IQCH: variants seen among roughly 807,000 people sequenced by gnomAD.
The protein encoded by IQCH is IQ domain-containing protein H.
A neutral mutation model predicts 117.0 loss-of-function variants in IQCH; 98 were observed. The observed-to-expected ratio is 0.84, with a 90% CI of 0.71 to 0.99. The LOEUF is 0.99. Among genes scored for constraint, IQCH ranks in the 50% least tolerant of loss-of-function variants. The probability of loss-of-function intolerance (pLI) is 0.00; values close to 1 mark genes in which losing one functional copy is unlikely to be tolerated. For synonymous variants in IQCH, 412 were observed against 448.2 expected (o/e 0.92, Z 1.02); for missense variants, 1,102 against 1,243.8 (o/e 0.89, Z 1.72).
intron 16 of IQCH, among the ~76,000 whole-genome samples, chr15:67,449,575 T>C (rs1015306994): frequency 4.3e-4 from 65 of 152,186 alleles, no homozygotes; most frequent in Non-Finnish European, 4.3e-4. Context: ...TTCTGTTCCA[T>C]TGGTCTATAT....
chr15:67,341,663 A>G (rs535454715), intron 5 of IQCH, among the ~76,000 whole-genome samples: 1 of 152,284 alleles, frequency 6.6e-6, no homozygotes, highest in African/African-American at 2.4e-5. Flanking sequence ...TTTAAAAGTA[A>G]AGTTATGACT....
chr15:67,424,234 T>A lies in IQCH; in HGVS notation c.2505+2657T>A, dbSNP rs12594849. 0.42 allele frequency among the ~76,000 whole-genome samples: 63,825 copies of A among 151,998 alleles called. 14,424 individuals carry two copies. The highest frequency in any genetic ancestry group is 0.52 in the Non-Finnish European group (35,233 of 67,930). ...CCTCTACCACAGGGCCTAAACATGC[T>A]GTTCCTCCACCTTAAATGCTCTTGC... On this transcript the variant is annotated intron_variant, in intron 16 of 20. Transcript: ENST00000335894. The surrounding 1 kb of genome is among the most constrained non-coding windows in gnomAD (Gnocchi z 4.9).
chr15:67,324,386 C>T (rs887714128), intron 4 of IQCH, among the ~76,000 whole-genome samples: 4 of 151,300 alleles, frequency 2.6e-5, no homozygotes, highest in African/African-American at 7.3e-5. Flanking sequence ...CCAAGGCGGG[C>T]GATCATTGAG....
intron 1 of IQCH, among the ~76,000 whole-genome samples, chr15:67,258,136 C>T (rs1965301191): frequency 6.6e-6 from 1 of 150,868 alleles, no homozygotes; most frequent in Admixed American, 6.6e-5. Context: ...GAGGCTGAGG[C>T]AAGGAGAATT....
chr15:67,290,003 T>C (rs1213784929), intron 4 of IQCH, among the ~76,000 whole-genome samples: 1 of 152,140 alleles, frequency 6.6e-6, no homozygotes, highest in Non-Finnish European at 1.5e-5. Context: ...GATGACAGAC[T>C]GTTTTTTAAC....
chr15:67,333,297 A>G (rs1224085758), intron 4 of IQCH, among the ~76,000 whole-genome samples: 2 of 152,224 alleles, frequency 1.3e-5, no homozygotes, highest in African/African-American at 2.4e-5. Context: ...ACAAATCTGA[A>G]CAGAGCCTTC....
intron 14 of IQCH, among the ~76,000 whole-genome samples, chr15:67,414,976 C>T (rs1308142776): frequency 6.6e-6 from 1 of 152,112 alleles, no homozygotes; most frequent in Admixed American, 6.5e-5. Context: ...GAGTGGGATT[C>T]TAACGCCGTG....
At chr15:67,412,331 T>C (rs1204109186) in intron 14 of IQCH, among the ~76,000 whole-genome samples, 1 of 152,206 alleles carries the variant, frequency 6.6e-6, no homozygotes, top group Non-Finnish European at 1.5e-5. Context: ...TCGCCCATCG[T>C]CCATCACCTT....
At chr15:67,455,437 C>A (rs1207534325) in intron 16 of IQCH, among the ~76,000 whole-genome samples, 1 of 152,200 alleles carries the variant, frequency 6.6e-6, no homozygotes, top group Non-Finnish European at 1.5e-5. Context: ...AAGGCCATAG[C>A]TCAGACAGTC....
Position 67,365,360 on chromosome 15 carries a change from A to G in IQCH, c.753+5475A>G, listed in dbSNP as rs1970295622. 6.6e-6 allele frequency among the ~76,000 whole-genome samples: 1 copy of G among 152,218 alleles called. No homozygotes were observed. Among genetic ancestry groups the G allele is most frequent in the South Asian group, 2.1e-4 (1 of 4,836 alleles). On this transcript the variant is annotated intron_variant, in intron 8 of 20. Coordinates refer to ENST00000335894, the MANE Select transcript of IQCH (RefSeq NM_001031715.3). The surrounding 1 kb of genome is among the most constrained non-coding windows in gnomAD (Gnocchi z 4.4). ...TGCAAATAACTTGTATGATCATAGA[A>G]CAGCTTTGTGCTGTGAACCCAGTCC...
intron 4 of IQCH, among the ~76,000 whole-genome samples, chr15:67,289,032 T>G (rs1487056225): frequency 6.6e-6 from 1 of 152,044 alleles, no homozygotes; most frequent in African/African-American, 2.4e-5. Flanking sequence ...AGAGCATGGC[T>G]TATCTGGGGG....
At position 67,289,806 on chromosome 15, in the gene IQCH, A is replaced by T. The variant is rs769255046; in HGVS notation, c.387+10294A>T. On this transcript the variant is annotated intron_variant, in intron 4 of 20. Transcript: ENST00000335894. ...AGAACATCAAGTGAAAATGATGAGTAATGTAGTTGAAGTTTCTGTATCACA... is the reference window on the plus strand; with the variant it reads ...AGAACATCAAGTGAAAATGATGAGTTATGTAGTTGAAGTTTCTGTATCACA... Among the ~76,000 whole-genome samples, 3 of 152,136 alleles carry T rather than the reference A, an allele frequency of 2.0e-5. No homozygotes were observed. In the Admixed American group the frequency reaches 2.0e-4, roughly 10 times the overall value.
intron 17 of IQCH, among the ~76,000 whole-genome samples, chr15:67,468,948 C>T (rs1484161595): frequency 1.3e-5 from 2 of 152,174 alleles, no homozygotes; most frequent in African/African-American, 4.8e-5. Context: ...CAATATGTTC[C>T]ACACTTCAAG....
At chr15:67,361,157 C>T (rs1003215822) in intron 8 of IQCH, among the ~76,000 whole-genome samples, 4 of 152,158 alleles carry the variant, frequency 2.6e-5, no homozygotes, top group East Asian at 1.9e-4. Flanking sequence ...AGTGAAGCTC[C>T]GGAGTTTGTG....
chr15:67,382,727 C>T (rs1248783983), intron 10 of IQCH, among the ~76,000 whole-genome samples: 1 of 152,154 alleles, frequency 6.6e-6, no homozygotes, highest in Non-Finnish European at 1.5e-5. Flanking sequence ...GTTTCCTTAC[C>T]TATAATATGA....
chr15:67,255,864 T>C (rs1170669329), intron 1 of IQCH, among the ~76,000 whole-genome samples: 2 of 152,178 alleles, frequency 1.3e-5, no homozygotes, highest in African/African-American at 4.8e-5. Flanking sequence ...ACTTCCCCAT[T>C]AAGAATCATA....
chr15:67,486,165 G>A (rs2083473738), intron 18 of IQCH, among the ~76,000 whole-genome samples: 2 of 150,870 alleles, frequency 1.3e-5, no homozygotes, highest in African/African-American at 2.4e-5. Flanking sequence ...TGAGTAGCTG[G>A]GACTACAGGT....
Position 67,388,907 on chromosome 15 carries a change from A to G in IQCH, c.1533A>G (p.Leu511=). Reference sequence around the variant, plus strand: ...TAGTGCTGTATTACAAAAAAATCCTAAGTCTACATGCAGCCGTCAAATCTG... The same window carrying G: ...TAGTGCTGTATTACAAAAAAATCCTGAGTCTACATGCAGCCGTCAAATCTG... ...DELVLYYKKI[L]SLHAAVKSGN... Residue 511 remains leucine (L), a synonymous_variant, in exon 12 of 21, where the codon CTA becomes CTG. Coordinates refer to ENST00000335894, the MANE Select transcript of IQCH (RefSeq NM_001031715.3). The surrounding 1 kb of genome is among the most constrained non-coding windows in gnomAD (Gnocchi z 5.5). 1 of 1,613,858 alleles carries G rather than the reference A, an allele frequency of 6.2e-7. No homozygotes were observed. Among genetic ancestry groups the G allele is most frequent in the Non-Finnish European group, 8.5e-7 (1 of 1,179,788 alleles).
At chr15:67,488,012 G>C (rs4776934) in intron 18 of IQCH, among the ~76,000 whole-genome samples, 1 of 152,000 alleles carries the variant, frequency 6.6e-6, no homozygotes, top group African/African-American at 2.4e-5. Flanking sequence ...ACATGATAAA[G>C]ATTTTATTTA....
Sources: gnomAD v4.1 joint callset for allele counts (sites outside exome capture counted in the v4.1 genomes callset) on GRCh38, gnomAD v4.1.1 for gene constraint, Gnocchi (gnomAD v3.1) non-coding constraint, MANE v1.5 for transcripts, NCBI Gene and HGNC (gene_info 2026-07-23, HGNC 2026-07-21) for gene names.